The following ADAMTSL1 variants were observed in gnomAD, a reference collection of about 807,000 sequenced individuals.
ADAMTSL1 encodes ADAMTS like 1, also known as ADAMTS-like protein 1.
A neutral mutation model predicts 201.8 loss-of-function variants in ADAMTSL1; 126 were observed. The observed-to-expected ratio is 0.62, with a 90% CI of 0.54 to 0.72. The LOEUF is 0.72. ADAMTSL1 is among the 30% of genes least tolerant of loss of function. The pLI is 0.00. For synonymous variants in ADAMTSL1, 1,121 were observed against 903.4 expected (o/e 1.24, Z -4.32); for missense variants, 2,679 against 2,277.8 (o/e 1.18, Z -3.59).
intron 19 of ADAMTSL1, among the ~76,000 whole-genome samples, chr9:18,782,741 A>T (rs1166286130): frequency 6.6e-6 from 1 of 152,240 alleles, no homozygotes; most frequent in Non-Finnish European, 1.5e-5. Flanking sequence ...ATCACACATA[A>T]GCCAAGATCT....
At chr9:18,887,107 C>A (rs1346330801) in intron 23 of ADAMTSL1, among the ~76,000 whole-genome samples, 1 of 152,212 alleles carries the variant, frequency 6.6e-6, no homozygotes, top group Non-Finnish European at 1.5e-5. Context: ...TGGGGCACAA[C>A]AGCAAATTCA....
At chr9:18,441,703 G>A (rs1563963327) in intron 2 of ADAMTSL1, among the ~76,000 whole-genome samples, 1 of 152,030 alleles carries the variant, frequency 6.6e-6, no homozygotes, top group Admixed American at 6.5e-5. Context: ...TATAATAGGA[G>A]ATGCTAAGAA....
At chr9:18,577,554 A>T (rs930111470) in intron 4 of ADAMTSL1, among the ~76,000 whole-genome samples, 8 of 152,178 alleles carry the variant, frequency 5.3e-5, no homozygotes, top group African/African-American at 1.7e-4. Context: ...CTTGGTCAAG[A>T]TACGCAACGT....
At chr9:18,261,188 G>T (rs117394718) in intron 2 of ADAMTSL1, among the ~76,000 whole-genome samples, 263 of 152,118 alleles carry the variant, frequency 1.7e-3, no homozygotes, top group Non-Finnish European at 2.2e-3. Flanking sequence ...GCCCATTTCT[G>T]TGGCCACAGG....
At chr9:18,435,869 C>T (rs1279017563) in intron 2 of ADAMTSL1, among the ~76,000 whole-genome samples, 2 of 152,142 alleles carry the variant, frequency 1.3e-5, no homozygotes, top group African/African-American at 2.4e-5. Flanking sequence ...AGGAAAGACC[C>T]GTCCCCATGA....
chr9:18,580,871 A>G (rs1049184868), intron 4 of ADAMTSL1, among the ~76,000 whole-genome samples: 2 of 152,178 alleles, frequency 1.3e-5, no homozygotes, highest in African/African-American at 4.8e-5. Flanking sequence ...TATAGTCACT[A>G]TACTATACTG....
intron 13 of ADAMTSL1, among the ~76,000 whole-genome samples, chr9:18,686,607 T>C (rs1830855699): frequency 6.6e-6 from 1 of 152,242 alleles, no homozygotes; most frequent in East Asian, 1.9e-4. Flanking sequence ...TGAAACCAGT[T>C]ATGTTTTATT....
At chr9:18,195,029 A>C (rs1303822227) in intron 2 of ADAMTSL1, among the ~76,000 whole-genome samples, 1 of 152,156 alleles carries the variant, frequency 6.6e-6, no homozygotes, top group Non-Finnish European at 1.5e-5. Context: ...GTTTCATAAT[A>C]GTTCCTATAA....
intron 2 of ADAMTSL1, among the ~76,000 whole-genome samples, chr9:18,186,200 G>T (rs1828726854): frequency 6.6e-6 from 1 of 152,108 alleles, no homozygotes; most frequent in South Asian, 2.1e-4. Flanking sequence ...ACCATAGGCT[G>T]GTTTTTCCTT....
At chr9:17,959,287 C>G (rs1325186507) in intron 1 of ADAMTSL1, among the ~76,000 whole-genome samples, 1 of 151,854 alleles carries the variant, frequency 6.6e-6, no homozygotes, top group African/African-American at 2.4e-5. Context: ...GTACTTTTTT[C>G]TCGTCTTCTT....
At chr9:18,507,788 C>A (rs927509627) in intron 2 of ADAMTSL1, among the ~76,000 whole-genome samples, 1 of 152,168 alleles carries the variant, frequency 6.6e-6, no homozygotes, top group Admixed American at 6.5e-5. Context: ...GGTCTGACAG[C>A]TTCTGTTGCA....
At chr9:18,097,916 T>C (rs1824325678) in intron 1 of ADAMTSL1, among the ~76,000 whole-genome samples, 1 of 151,948 alleles carries the variant, frequency 6.6e-6, no homozygotes, top group Admixed American at 6.6e-5. Flanking sequence ...CCCAAAATGG[T>C]GAGGATTTTT....
chr9:17,991,481 A>G (rs1210116857), intron 1 of ADAMTSL1, among the ~76,000 whole-genome samples: 1 of 152,150 alleles, frequency 6.6e-6, no homozygotes, highest in Admixed American at 6.6e-5. Context: ...GATGCTACTG[A>G]GATCCCAGCG....
chr9:18,715,966 G>A (rs1199809912), intron 14 of ADAMTSL1, among the ~76,000 whole-genome samples: 1 of 151,116 alleles, frequency 6.6e-6, no homozygotes, highest in Non-Finnish European at 1.5e-5. Context: ...TGAAAAACCT[G>A]AGAAAAACAA....
intron 1 of ADAMTSL1, among the ~76,000 whole-genome samples, chr9:18,082,393 C>T (rs943030134): frequency 1.3e-5 from 2 of 152,144 alleles, no homozygotes; most frequent in African/African-American, 4.8e-5. Flanking sequence ...CTCACCGCAA[C>T]CTCCGCCTCC....
intron 2 of ADAMTSL1, among the ~76,000 whole-genome samples, chr9:18,313,669 C>G (rs1044971794): frequency 6.6e-6 from 1 of 152,056 alleles, no homozygotes; most frequent in Non-Finnish European, 1.5e-5. Context: ...TTTTAAAAAA[C>G]TTAAATGCAA....
At chr9:18,497,957 G>A (rs1822615686) in intron 1 of ADAMTSL1, among the ~76,000 whole-genome samples, 1 of 152,226 alleles carries the variant, frequency 6.6e-6, no homozygotes, top group South Asian at 2.1e-4. Flanking sequence ...CCTAAAAAGT[G>A]ATGAAGCTGT....
At chr9:18,142,347 C>T (rs1826437749) in intron 1 of ADAMTSL1, among the ~76,000 whole-genome samples, 1 of 152,184 alleles carries the variant, frequency 6.6e-6, no homozygotes, top group African/African-American at 2.4e-5. Flanking sequence ...TCTGTGCTAA[C>T]AAAGGACAAA....
chr9:18,179,219 C>G (rs527477821), intron 2 of ADAMTSL1, among the ~76,000 whole-genome samples: 217 of 151,934 alleles, frequency 1.4e-3, no homozygotes, highest in Middle Eastern at 6.8e-3. Flanking sequence ...TCGAGAACTA[C>G]GTGAAGAATG....
Sources: allele counts gnomAD v4.1 joint callset (sites outside exome capture counted in the v4.1 genomes callset), GRCh38; gene constraint gnomAD v4.1.1; transcripts MANE v1.5; gene names NCBI Gene and HGNC (gene_info 2026-07-23, HGNC 2026-07-21).